Variants in ZNF462 observed in about 807,000 individuals in gnomAD.
ZNF462 encodes the protein zinc finger protein 462, also known as zinc finger PBX1-interacting protein.
In ZNF462, 10 loss-of-function variants were observed where a neutral mutation model predicts 201.9. That is an observed-to-expected ratio of 0.05 (90% confidence interval 0.03 to 0.08). ZNF462 has a LOEUF of 0.08. ZNF462 is among the 10% of genes least tolerant of loss of function. The pLI is 1.00. For synonymous variants in ZNF462, 1,227 were observed against 1,193.3 expected, an observed-to-expected ratio of 1.03 and a Z score of -0.58; for missense variants, 2,523 against 3,168.3, an observed-to-expected ratio of 0.80 and a Z score of 4.89.
rs776209715 is a variant in ZNF462, at chr9:106,883,219, C to T, written c.-31+19864C>T. Among the ~76,000 whole-genome samples the T allele has an allele frequency of 3.9e-5, 6 of 152,140 alleles. No individual in the cohort carries two copies. Among genetic ancestry groups the T allele is most frequent in the Admixed American group, 6.5e-5 (1 of 15,272 alleles). On this transcript the variant is annotated intron_variant, in intron 1 of 12. Transcript: ENST00000277225. This position sits in a 1 kb window ranked among gnomAD's most constrained non-coding sequence, Gnocchi z 4.9. ...ATTAAGCAAGCTTTTGAAGGGTGTG[C>T]GCTGCAGAGCAGTTTCCTGTTATTT... is the stretch of plus-strand genomic sequence containing the variant.
chr9:106,954,948 AT>A lies in ZNF462; in HGVS notation c.6427+15842del, dbSNP rs1211087244. Reference sequence around the variant, plus strand: ...AGAGTAGATGTCCTGTAAATGTAAAATGAAAATTTGTTGTGTCCTGTAAATA... The same window carrying A: ...AGAGTAGATGTCCTGTAAATGTAAAAGAAAATTTGTTGTGTCCTGTAAATA... On this transcript the variant is annotated intron_variant, in intron 7 of 12. Transcript: ENST00000277225. The surrounding 1 kb of genome is among the most constrained non-coding windows in gnomAD (Gnocchi z 4.0). 9.2e-5 allele frequency among the ~76,000 whole-genome samples: 14 copies of A among 152,184 alleles called. No individual in the cohort carries two copies. Among genetic ancestry groups the A allele is most frequent in the African/African-American group, 3.4e-4 (14 of 41,448 alleles).
chr9:107,009,385 C>T lies in ZNF462; in HGVS notation c.7190-160C>T. 1.0e-6 allele frequency: 1 copy of T among 999,450 alleles called. No individual in the cohort carries two copies. Among genetic ancestry groups the T allele is most frequent in the Non-Finnish European group, 1.4e-6 (1 of 693,654 alleles). 61.9% of individuals were successfully genotyped at this position (999,450 alleles called of 1,614,324 possible). On this transcript the variant is annotated intron_variant, in intron 11 of 12. Transcript: ENST00000277225. This position sits in a 1 kb window ranked among gnomAD's most constrained non-coding sequence, Gnocchi z 6.1. ...TCTCGAATGCTATTCAAGGAATGCC[C>T]TAAGGGGGAAACCTAAGAAAAAGTG...
chr9:106,900,075 C>T (rs573765361), intron 1 of ZNF462, among the ~76,000 whole-genome samples: 1 of 151,758 alleles, frequency 6.6e-6, no homozygotes, highest in East Asian at 2.0e-4. Flanking sequence ...TCCCAAATAT[C>T]AGTGAGAACA....
At chr9:106,939,531 A>G (rs1246610643) in intron 7 of ZNF462, among the ~76,000 whole-genome samples, 1 of 152,172 alleles carries the variant, frequency 6.6e-6, no homozygotes, top group Admixed American at 6.5e-5. Context: ...CAAAATTCAG[A>G]GTAGGAGTGC....
In ZNF462 at chr9:106,929,075, C is replaced by T; in HGVS notation, c.5163C>T (p.Asp1721=). 6.2e-7 allele frequency: 1 copy of T among 1,614,172 alleles called. No individual in the cohort carries two copies. Among genetic ancestry groups the T allele is most frequent in the Non-Finnish European group, 8.5e-7 (1 of 1,180,048 alleles). The part of the protein sequence containing the change: ...GLAAHYQKRH[D]IDAYYTHCLA... ...CAGCCCACTACCAGAAGCGCCACGA[C>T]ATTGATGCGTATTACACTCACTGCT... Residue 1721 remains aspartate (D), a synonymous_variant, in exon 3 of 13, where the codon GAC becomes GAT. Transcript: ENST00000277225. This position sits in a 1 kb window ranked among gnomAD's most constrained non-coding sequence, Gnocchi z 8.7.
intron 10 of ZNF462, among the ~76,000 whole-genome samples, chr9:106,996,642 C>T (rs916159005): frequency 6.6e-6 from 1 of 152,116 alleles, no homozygotes; most frequent in African/African-American, 2.4e-5. Flanking sequence ...ATATCCTTTG[C>T]CCACTTTTTG....
intron 10 of ZNF462, among the ~76,000 whole-genome samples, chr9:106,988,097 T>C (rs986145827): frequency 3.3e-5 from 5 of 152,064 alleles, no homozygotes; most frequent in Non-Finnish European, 7.4e-5. Flanking sequence ...ATAGTGTGAT[T>C]GTAGTAGTCT....
Position 106,945,668 on chromosome 9 carries a change from TACTA to T in ZNF462, c.6427+6568_6427+6571del, listed in dbSNP as rs1447482284. Among the ~76,000 whole-genome samples the T allele has an allele frequency of 2.0e-5, 3 of 152,332 alleles. No individual in the cohort carries two copies. In the South Asian group the frequency reaches 6.2e-4, roughly 32 times the overall value. Reference sequence around the variant, plus strand: ...CTGGTCTCAAAATTATCTGACCAGATACTAACTAACCTTCTCTTTTTGACATCAG... The same window carrying T: ...CTGGTCTCAAAATTATCTGACCAGATACTAACCTTCTCTTTTTGACATCAG... On this transcript the variant is annotated intron_variant, in intron 7 of 12. Coordinates refer to ENST00000277225, the MANE Select transcript of ZNF462 (RefSeq NM_021224.6).
Position 107,009,725 on chromosome 9 carries a change from G to A in ZNF462, c.7313+57G>A, listed in dbSNP as rs1464473364. 4.6e-6 allele frequency: 6 copies of A among 1,318,320 alleles called. No homozygotes were observed. Among genetic ancestry groups the A allele is most frequent in the African/African-American group, 1.5e-5 (1 of 68,634 alleles). The allele number at this position is 1,318,320 out of a possible 1,614,324, so 81.7% of individuals were successfully genotyped here. On this transcript the variant is annotated intron_variant, in intron 12 of 12. Transcript: ENST00000277225. This position sits in a 1 kb window ranked among gnomAD's most constrained non-coding sequence, Gnocchi z 6.1. ...CCAAAGCAAGAGGTAGGGAGGGAGG[G>A]AGGGGCTCTTGTTTTGGTTCCCCTG...
Position 107,009,382 on chromosome 9 carries a change from G to A in ZNF462, c.7190-163G>A. On this transcript the variant is annotated intron_variant, in intron 11 of 12. Coordinates refer to ENST00000277225, the MANE Select transcript of ZNF462 (RefSeq NM_021224.6). The surrounding 1 kb of genome is among the most constrained non-coding windows in gnomAD (Gnocchi z 6.1). ...AGTTCTCGAATGCTATTCAAGGAAT[G>A]CCCTAAGGGGGAAACCTAAGAAAAA... 1 of 909,360 alleles carries A rather than the reference G, an allele frequency of 1.1e-6. No individual in the cohort carries two copies. Among genetic ancestry groups the A allele is most frequent in the Non-Finnish European group, 1.6e-6 (1 of 615,572 alleles). The allele number at this position is 909,360 out of a possible 1,614,324, so 56.3% of individuals were successfully genotyped here.
chr9:107,001,205 C>T (rs570289914), intron 10 of ZNF462, among the ~76,000 whole-genome samples: 1 of 152,234 alleles, frequency 6.6e-6, no homozygotes, highest in South Asian at 2.1e-4. Flanking sequence ...CAAATTGGAA[C>T]CTTGCCCACT....
chr9:106,992,847 T>C (rs951673826), intron 10 of ZNF462, among the ~76,000 whole-genome samples: 1 of 152,074 alleles, frequency 6.6e-6, no homozygotes, highest in African/African-American at 2.4e-5. Context: ...TATACCTCAA[T>C]ACCTAAAACA....
chr9:106,952,030 G>A (rs374932280), intron 7 of ZNF462, among the ~76,000 whole-genome samples: 281 of 152,190 alleles, frequency 1.8e-3, no homozygotes, highest in African/African-American at 6.3e-3. Flanking sequence ...CCACTTCTCC[G>A]TATAGATCAT....
At position 106,974,291 on chromosome 9, in the gene ZNF462, G is replaced by A; in HGVS notation, c.6832+18G>A. 1.2e-6 allele frequency: 2 copies of A among 1,614,074 alleles called. No homozygotes were observed. Among genetic ancestry groups the A allele is most frequent in the Non-Finnish European group, 1.7e-6 (2 of 1,179,962 alleles). ...GCACCGAGGTAACCTTTCTAACTTG[G>A]TTTTCTTGGATGCAGCGGGGGGCAG... is the stretch of plus-strand genomic sequence containing the variant. On this transcript the variant is annotated intron_variant, in intron 9 of 12. Coordinates refer to ENST00000277225, the MANE Select transcript of ZNF462 (RefSeq NM_021224.6). The surrounding 1 kb of genome is among the most constrained non-coding windows in gnomAD (Gnocchi z 4.0).
chr9:106,900,666 G>A (rs1220627890), intron 1 of ZNF462, among the ~76,000 whole-genome samples: 2 of 152,040 alleles, frequency 1.3e-5, no homozygotes, highest in African/African-American at 4.8e-5. Flanking sequence ...TTTCATGTTT[G>A]TTGGCCATTT....
rs1829718210 is a variant in ZNF462 at position 107,008,501 on chromosome 9, A to G, written c.7190-1044A>G. ...CTTGTATGTGTGGACCAGAGTGATC[A>G]GAGTGTAAAGATGATCAACACTTCC... On this transcript the variant is annotated intron_variant, in intron 11 of 12. Transcript: ENST00000277225. The surrounding 1 kb of genome is among the most constrained non-coding windows in gnomAD (Gnocchi z 4.8). 6.6e-6 allele frequency among the ~76,000 whole-genome samples: 1 copy of G among 152,146 alleles called. No homozygotes were observed. The highest frequency in any genetic ancestry group is 2.1e-4 in the South Asian group (1 of 4,818).
At chr9:106,998,410 A>G (rs1219037463) in intron 10 of ZNF462, among the ~76,000 whole-genome samples, 3 of 152,176 alleles carry the variant, frequency 2.0e-5, no homozygotes, top group Non-Finnish European at 4.4e-5. Context: ...CAACTTGATA[A>G]TATTTGTAAA....
intron 1 of ZNF462, among the ~76,000 whole-genome samples, chr9:106,904,936 T>C (rs151144247): frequency 0.018 from 2,713 of 152,270 alleles, 77 homozygotes; most frequent in African/African-American, 0.061. Flanking sequence ...GATTTCTTCT[T>C]GGTTTGGATC....
chr9:106,966,915 C>T lies in ZNF462; in HGVS notation c.6428-5090C>T, dbSNP rs1422484167. ...CGCTGGCACCAAGGTACTTCTGTTC[C>T]CTTTCACCTTCACTCATATTCTCTA... On this transcript the variant is annotated intron_variant, in intron 7 of 12. Coordinates refer to ENST00000277225, the MANE Select transcript of ZNF462 (RefSeq NM_021224.6). This position sits in a 1 kb window ranked among gnomAD's most constrained non-coding sequence, Gnocchi z 4.4. Among the ~76,000 whole-genome samples the T allele has an allele frequency of 2.6e-5, 4 of 152,154 alleles. No homozygotes were observed. Among genetic ancestry groups the T allele is most frequent in the Admixed American group, 6.6e-5 (1 of 15,260 alleles).
Sources: gnomAD v4.1 joint callset for allele counts (sites outside exome capture counted in the v4.1 genomes callset) on GRCh38, gnomAD v4.1.1 for gene constraint, Gnocchi (gnomAD v3.1) non-coding constraint, MANE v1.5 for transcripts, NCBI Gene and HGNC (gene_info 2026-07-23, HGNC 2026-07-21) for gene names.